GPR161: variants seen among roughly 807,000 people sequenced by gnomAD.
GPR161 encodes the protein G protein-coupled receptor 161.
Under a neutral mutation model 39.2 loss-of-function variants are expected in GPR161, and 25 were observed. The observed-to-expected ratio is 0.64, with a 90% CI of 0.47 to 0.89. GPR161 has a LOEUF of 0.89. Ranked by LOEUF, GPR161 falls within the 40% of genes least tolerant of loss-of-function variation. The pLI is 0.00. For missense variants in GPR161, 547 were observed against 677.8 expected, an observed-to-expected ratio of 0.81 and a Z score of 2.14; for synonymous variants, 286 against 276.6, an observed-to-expected ratio of 1.03 and a Z score of -0.34.
intron 1 of GPR161, among the ~76,000 whole-genome samples, chr1:168,117,279 T>A (rs1697711135): frequency 6.6e-6 from 1 of 152,230 alleles, no homozygotes; most frequent in Non-Finnish European, 1.5e-5. Context: ...TAACTAATAA[T>A]GACAGTATTT....
chr1:168,094,175 G>T (rs573742174), intron 3 of GPR161, among the ~76,000 whole-genome samples: 1 of 152,306 alleles, frequency 6.6e-6, no homozygotes, highest in East Asian at 1.9e-4. Context: ...GGCCTCAAAA[G>T]CAGGTGTTTC....
intron 1 of GPR161, among the ~76,000 whole-genome samples, chr1:168,110,269 C>T (rs762379116): frequency 6.6e-6 from 1 of 151,818 alleles, no homozygotes; most frequent in Non-Finnish European, 1.5e-5. Flanking sequence ...TCTGGGAGGC[C>T]GAAGCAGGCA....
At chr1:168,134,180 C>T (rs1339017728) in intron 1 of GPR161, among the ~76,000 whole-genome samples, 1 of 152,138 alleles carries the variant, frequency 6.6e-6, no homozygotes, top group African/African-American at 2.4e-5. Context: ...TCACCCATTG[C>T]TTGAGTATAA....
chr1:168,084,516 G>C lies in GPR161; in HGVS notation c.*1015C>G, dbSNP rs765080782. ...CCAATAACCCAGGTTGCTGGCTGTG[G>C]GTCCAGGGCTGCTTCTATCTTATTT... On this transcript the variant is annotated 3_prime_UTR_variant, in exon 6 of 6. Transcript: ENST00000682931. The C allele has an allele frequency of 1.4e-3, 449 of 325,440 alleles. 1 individual carries two copies. Among genetic ancestry groups the C allele is most frequent in the Non-Finnish European group, 2.0e-3 (338 of 168,480 alleles). The allele number at this position is 325,440 out of a possible 1,614,324, so 20.2% of individuals were successfully genotyped here.
chr1:168,093,362 T>G (rs567860373), intron 3 of GPR161, among the ~76,000 whole-genome samples: 1 of 152,156 alleles, frequency 6.6e-6, no homozygotes, highest in South Asian at 2.1e-4. Flanking sequence ...ACAAACAGAA[T>G]GAGAGAAGCA....
Position 168,079,845 on chromosome 1 carries a change from C to T in GPR161, c.*5686G>A, listed in dbSNP as rs567218724. Reference sequence around the variant, plus strand: ...CTTGTCTGCCAGGCCTGTGATTCTCCCTAGGACTGTCTTTTCCTCTGGGAG... The same window carrying T: ...CTTGTCTGCCAGGCCTGTGATTCTCTCTAGGACTGTCTTTTCCTCTGGGAG... On this transcript the variant is annotated 3_prime_UTR_variant, in exon 6 of 6. Transcript: ENST00000682931. 21 of 152,198 alleles carry T rather than the reference C, an allele frequency of 1.4e-4. No homozygotes were observed. The highest frequency in any genetic ancestry group is 7.8e-4 in the Admixed American group (12 of 15,298). 9.4% of individuals were successfully genotyped at this position (152,198 alleles called of 1,614,324 possible). A position where few individuals can be genotyped will look rare whatever the true frequency, so the allele number is the denominator to read the frequency against.
rs531185743 is a variant in GPR161, at chr1:168,136,212, C to T, written c.-45+527G>A. On this transcript the variant is annotated intron_variant, in intron 1 of 5. Coordinates refer to ENST00000682931, the MANE Select transcript of GPR161 (RefSeq NM_001375883.1). ...GCGCCACCCGCCGCCCGCCCAGGCT[C>T]GGGGAGACAGCGCCCTGAGTCCCGG... The T allele has an allele frequency of 1.1e-5, 14 of 1,282,630 alleles. No individual in the cohort carries two copies. The East Asian group carries it at 2.5e-4, about 23-fold the overall frequency. 79.5% of individuals were successfully genotyped at this position (1,282,630 alleles called of 1,614,324 possible).
At chr1:168,113,052 G>A (rs536836399) in intron 1 of GPR161, among the ~76,000 whole-genome samples, 42 of 152,286 alleles carry the variant, frequency 2.8e-4, no homozygotes, top group Non-Finnish European at 4.7e-4. Flanking sequence ...AAATCCCTCA[G>A]GGTGTATCTT....
intron 1 of GPR161, among the ~76,000 whole-genome samples, chr1:168,133,456 C>T (rs1313412909): frequency 6.6e-6 from 1 of 152,074 alleles, no homozygotes; most frequent in Non-Finnish European, 1.5e-5. Flanking sequence ...TCTATGAGTC[C>T]ATCAAGAGGG....
intron 3 of GPR161, among the ~76,000 whole-genome samples, chr1:168,095,055 CCT>C (rs1327574601): frequency 6.6e-6 from 1 of 152,196 alleles, no homozygotes; most frequent in Middle Eastern, 3.2e-3. Flanking sequence ...ATATGTGCCC[CCT>C]GCTATGATGT....
chr1:168,089,336 G>A (rs1694839707), intron 4 of GPR161: 1 of 152,228 alleles, frequency 6.6e-6, no homozygotes, highest in Non-Finnish European at 1.5e-5. Flanking sequence ...AGTGTGATCA[G>A]TGCTTCATAT....
At chr1:168,114,558 A>G (rs77293955) in intron 1 of GPR161, 14 of 144,192 alleles carry the variant, frequency 9.7e-5, no homozygotes, top group Admixed American at 6.8e-4. Context: ...CTCTGTCTCA[A>G]AAAAAAAAAA....
Position 168,104,740 on chromosome 1 carries a change from G to A in GPR161, c.111C>T (p.Ile37=). The A allele has an allele frequency of 6.2e-7, 1 of 1,614,028 alleles. No individual in the cohort carries two copies. The highest frequency in any genetic ancestry group is 8.5e-7 in the Non-Finnish European group (1 of 1,179,986). The part of the protein sequence containing the change: ...IITQFIAIIV[I]TIFVCLGNLV... ...GGTTTCCCAGGCAGACAAAAATGGTGATGACAATGATGGCGATGAACTGGG... is the reference window on the plus strand; with the variant it reads ...GGTTTCCCAGGCAGACAAAAATGGTAATGACAATGATGGCGATGAACTGGG... The change falls in exon 2 of 6, where the codon ATC becomes ATT. Residue 37 remains isoleucine (I), a synonymous_variant. Transcript: ENST00000682931.
chr1:168,100,213 A>AG (rs1270734556), intron 2 of GPR161, among the ~76,000 whole-genome samples: 3 of 145,352 alleles, frequency 2.1e-5, no homozygotes, highest in Non-Finnish European at 4.5e-5. Context: ...CCTGTCTCAA[A>AG]AAAAAAAAAA....
Position 168,083,549 on chromosome 1 carries a change from T to G in GPR161, c.*1982A>C, listed in dbSNP as rs530200362. 12 of 152,302 alleles carry G rather than the reference T, an allele frequency of 7.9e-5. No homozygotes were observed. The East Asian group carries it at 2.1e-3, about 27-fold the overall frequency. The allele number at this position is 152,302 out of a possible 1,614,324, so 9.4% of individuals were successfully genotyped here. A position where few individuals can be genotyped will look rare whatever the true frequency, so the allele number is the denominator to read the frequency against. On this transcript the variant is annotated 3_prime_UTR_variant, in exon 6 of 6. Transcript: ENST00000682931. ...TCAGGAATATGGTCCCTTCAGAAAG[T>G]AGACAAGTGCTAGAAAAAAATATAT... is the stretch of plus-strand genomic sequence containing the variant.
At chr1:168,113,998 A>T (rs904918153) in intron 1 of GPR161, among the ~76,000 whole-genome samples, 4 of 152,188 alleles carry the variant, frequency 2.6e-5, no homozygotes, top group Non-Finnish European at 5.9e-5. Context: ...AAAATAAAAA[A>T]TAAGGCAATA....
Position 168,104,890 on chromosome 1 carries a change from G to A in GPR161, c.-40C>T. 2 of 1,603,978 alleles carry A rather than the reference G, an allele frequency of 1.2e-6. No individual in the cohort carries two copies. The highest frequency in any genetic ancestry group is 1.7e-6 in the Non-Finnish European group (2 of 1,172,786). ...GGCGTGGGGTGGGCAGAGCATGCTG[G>A]ACGACTGGAAAGATAAGGCAGGACC... On this transcript the variant is annotated 5_prime_UTR_variant, in exon 2 of 6. Transcript: ENST00000682931.
At chr1:168,135,007 C>T in intron 1 of GPR161, 1 of 1,534,474 alleles carries the variant, frequency 6.5e-7, no homozygotes, top group Non-Finnish European at 8.7e-7. Context: ...AGTGCTCCTT[C>T]ACCTCTCAGA....
chr1:168,108,605 A>G (rs1696861531), intron 1 of GPR161, among the ~76,000 whole-genome samples: 4 of 151,672 alleles, frequency 2.6e-5, no homozygotes, highest in Middle Eastern at 3.4e-3. Context: ...TAGGAAAGAT[A>G]CATCAGAAAT....
Sources: allele counts gnomAD v4.1 joint callset (sites outside exome capture counted in the v4.1 genomes callset), GRCh38; gene constraint gnomAD v4.1.1; transcripts MANE v1.5; gene names NCBI Gene and HGNC (gene_info 2026-07-23, HGNC 2026-07-21).